ZNF385B: variants seen among roughly 807,000 people sequenced by gnomAD.
The protein encoded by ZNF385B is zinc finger protein 533.
ZNF385B carries 23 observed loss-of-function variants against 39.2 expected under a neutral mutation model. That is an observed-to-expected ratio of 0.59 (90% CI 0.42 to 0.83). The LOEUF (loss-of-function observed/expected upper bound fraction) is 0.83, where lower values mean the gene tolerates loss of function less well. Among genes scored for constraint, ZNF385B ranks in the 40% least tolerant of loss-of-function variants. The probability of loss-of-function intolerance (pLI) is 0.00; values close to 1 mark genes in which losing one functional copy is unlikely to be tolerated. For synonymous variants in ZNF385B, 205 were observed against 222.6 expected, an observed-to-expected ratio of 0.92 and a Z score of 0.70; for missense variants, 552 against 598.9, an observed-to-expected ratio of 0.92 and a Z score of 0.82.
intron 3 of ZNF385B, among the ~76,000 whole-genome samples, chr2:179,689,026 A>G (rs1044537116): frequency 1.1e-4 from 17 of 152,222 alleles, no homozygotes; most frequent in Non-Finnish European, 1.8e-4. Context: ...AGTGTATGAC[A>G]TTGCCTCTAA....
intron 2 of ZNF385B, 56 bp from the exon 3 acceptor site, chr2:179,769,858 G>T (rs1703913755): frequency 4.1e-6 from 6 of 1,466,776 alleles, no homozygotes; most frequent in Admixed American, 2.1e-5. Context: ...TTATTTTCTA[G>T]TATGATTACA....
intron 1 of ZNF385B, among the ~76,000 whole-genome samples, chr2:179,805,704 T>C (rs193123702): frequency 1.3e-5 from 2 of 152,122 alleles, no homozygotes; most frequent in South Asian, 2.1e-4. Context: ...TAAATGAATA[T>C]GTAAAAAACA....
At chr2:179,679,224 G>T (rs1282845935) in intron 3 of ZNF385B, among the ~76,000 whole-genome samples, 3 of 152,062 alleles carry the variant, frequency 2.0e-5, no homozygotes, top group Admixed American at 6.6e-5. Flanking sequence ...TATTTTTATA[G>T]TACCTTTTTC....
intron 3 of ZNF385B, among the ~76,000 whole-genome samples, chr2:179,734,867 T>C (rs1204462462): frequency 6.6e-6 from 1 of 152,134 alleles, no homozygotes; most frequent in African/African-American, 2.4e-5. Flanking sequence ...TTACACCTTA[T>C]AGAAAAATCA....
intron 3 of ZNF385B, among the ~76,000 whole-genome samples, chr2:179,638,212 A>T (rs1691936327): frequency 6.6e-6 from 1 of 152,120 alleles, no homozygotes; most frequent in Non-Finnish European, 1.5e-5. Context: ...ATCTCACATT[A>T]AGTGTTCTTA....
At chr2:179,590,582 G>C (rs1406174742) in intron 3 of ZNF385B, among the ~76,000 whole-genome samples, 2 of 152,066 alleles carry the variant, frequency 1.3e-5, no homozygotes, top group Non-Finnish European at 2.9e-5. Context: ...TTCCCCTTGA[G>C]ATAAATGTTT....
chr2:179,605,424 A>G (rs1449442598), intron 3 of ZNF385B, among the ~76,000 whole-genome samples: 1 of 152,154 alleles, frequency 6.6e-6, no homozygotes, highest in East Asian at 1.9e-4. Context: ...ATCAATTGTT[A>G]ATAAGTATTT....
At position 179,443,458 on chromosome 2, in the gene ZNF385B, G is replaced by T; in HGVS notation, c.1253C>A (p.Ala418Glu). The T allele has an allele frequency of 6.3e-7, 1 of 1,598,086 alleles. No individual in the cohort carries two copies. Among genetic ancestry groups the T allele is most frequent in the Non-Finnish European group, 8.5e-7 (1 of 1,171,954 alleles). Residue 418 changes from alanine (A) to glutamate (E), a missense_variant, in exon 10 of 10, where the codon GCA (alanine) becomes GAA (glutamate). Transcript: ENST00000410066. The part of the protein sequence containing the change: ...RSPSILAAKL[A>E]FQKDMMKPLA... ...AGGCTTCATCATATCTTTCTGGAAT[G>T]CAAGTTTTGCCTAAGGGAGGGAGAA...
intron 5 of ZNF385B, among the ~76,000 whole-genome samples, chr2:179,484,245 A>G (rs912650840): frequency 6.6e-6 from 1 of 152,230 alleles, no homozygotes; most frequent in South Asian, 2.1e-4. Flanking sequence ...CTCTGCCTAA[A>G]CAACAAGGCT....
chr2:179,784,599 CT>C (rs1461130470), intron 1 of ZNF385B, among the ~76,000 whole-genome samples: 1 of 151,818 alleles, frequency 6.6e-6, no homozygotes, highest in Non-Finnish European at 1.5e-5. Flanking sequence ...CATATGAAAA[CT>C]TTAAATCAAC....
At chr2:179,634,973 C>CAAAAAAAAAA (rs66671134) in intron 3 of ZNF385B, among the ~76,000 whole-genome samples, 12 of 115,564 alleles carry the variant, frequency 1.0e-4, no homozygotes, top group Non-Finnish European at 1.9e-4. Flanking sequence ...ACTAAAAATA[C>CAAAAAAAAAA]AAAAAAAAAA....
Position 179,688,715 on chromosome 2 carries a change from A to G in ZNF385B, c.298+80788T>C, listed in dbSNP as rs139176705. Among the ~76,000 whole-genome samples the G allele has an allele frequency of 5.2e-3, 798 of 152,246 alleles. 5 individuals are homozygous for G. Among genetic ancestry groups the G allele is most frequent in the African/African-American group, 0.018 (757 of 41,540 alleles). On this transcript the variant is annotated intron_variant, in intron 3 of 9. Transcript: ENST00000410066. ...ACCCTCTAGCATTTTTTGAGGATAC[A>G]ATACATTGTTATTAATTATAGTTAC...
chr2:179,812,109 A>G (rs1009366567), intron 1 of ZNF385B, among the ~76,000 whole-genome samples: 1 of 152,148 alleles, frequency 6.6e-6, no homozygotes, highest in African/African-American at 2.4e-5. Flanking sequence ...TACACCAATC[A>G]GAACGGCTAT....
intron 3 of ZNF385B, among the ~76,000 whole-genome samples, chr2:179,699,823 G>T (rs1394932645): frequency 3.3e-5 from 5 of 152,190 alleles, no homozygotes; most frequent in African/African-American, 7.2e-5. Context: ...AATGGTGTAT[G>T]AACAGGGAAA....
At chr2:179,453,303 T>C (rs1409383450) in intron 6 of ZNF385B, among the ~76,000 whole-genome samples, 1 of 152,140 alleles carries the variant, frequency 6.6e-6, no homozygotes, top group Non-Finnish European at 1.5e-5. Flanking sequence ...GCAACTGGTA[T>C]TTAGTATTAC....
intron 3 of ZNF385B, among the ~76,000 whole-genome samples, chr2:179,624,473 C>T (rs553652977): frequency 5.3e-5 from 8 of 152,336 alleles, no homozygotes; most frequent in Admixed American, 2.6e-4. Flanking sequence ...TTCTAGTTTA[C>T]TGCTAACTCA....
intron 4 of ZNF385B, among the ~76,000 whole-genome samples, chr2:179,542,118 T>C (rs1420044295): frequency 6.6e-6 from 1 of 152,160 alleles, no homozygotes. Flanking sequence ...ATGTGGACAA[T>C]AACTTTCATG....
Position 179,554,664 on chromosome 2 carries a change from AATG to A in ZNF385B, c.299-9698_299-9696del, listed in dbSNP as rs2060791133. ...TAGAACTCCTACAGATCAATAAGAA[AATG>A]ATAACACTAGATAAATGGGCAAAAG... On this transcript the variant is annotated intron_variant, in intron 3 of 9. Transcript: ENST00000410066. 1.3e-5 allele frequency among the ~76,000 whole-genome samples: 2 copies of A among 149,302 alleles called. 1 individual carries two copies. Among genetic ancestry groups the A allele is most frequent in the African/African-American group, 5.0e-5 (2 of 39,624 alleles).
intron 4 of ZNF385B, chr2:179,522,881 C>G (rs1362723079): frequency 2.2e-6 from 1 of 451,768 alleles, no homozygotes; most frequent in East Asian, 7.2e-5. Context: ...ATATTCCTTA[C>G]CTGGCAAAAT....
Sources: allele counts gnomAD v4.1 joint callset (sites outside exome capture counted in the v4.1 genomes callset), GRCh38; gene constraint gnomAD v4.1.1; transcripts MANE v1.5; gene names NCBI Gene and HGNC (gene_info 2026-07-23, HGNC 2026-07-21).